Variants in TMEM131L observed in about 807,000 individuals in gnomAD.
The protein encoded by TMEM131L is transmembrane 131 like.
In TMEM131L, 54 loss-of-function variants were observed where a neutral mutation model predicts 192.2. That is an observed-to-expected ratio of 0.28 (90% CI 0.23 to 0.35). The LOEUF is 0.35. Among genes scored for constraint, TMEM131L ranks in the 10% least tolerant of loss-of-function variants. TMEM131L has a pLI of 1.00. For missense variants in TMEM131L, 1,888 were observed against 1,972.9 expected (o/e 0.96, Z 0.82); for synonymous variants, 701 against 704.9 (o/e 0.99, Z 0.09).
Position 153,575,971 on chromosome 4 carries a change from T to C in TMEM131L, c.661-4855T>C, listed in dbSNP as rs530728502. On this transcript the variant is annotated intron_variant, in intron 7 of 34. Coordinates refer to ENST00000409959, the MANE Select transcript of TMEM131L (RefSeq NM_001131007.2). ...TATTGCTATTGTTTTGTTCTTTTTT[T>C]TTTTTTGAGATGAAGTCTCACGCTG... Among the ~76,000 whole-genome samples, 321 of 152,080 alleles carry C rather than the reference T, an allele frequency of 2.1e-3. 1 individual carries two copies. Among genetic ancestry groups the C allele is most frequent in the Non-Finnish European group, 3.6e-3 (243 of 67,956 alleles).
rs1330306397 is a variant in TMEM131L at position 153,635,571 on chromosome 4, G to A, written c.4557G>A (p.Pro1519=). The A allele has an allele frequency of 3.7e-6, 6 of 1,613,916 alleles. No individual in the cohort carries two copies. The highest frequency in any genetic ancestry group is 1.3e-5 in the African/African-American group (1 of 74,906). ...GACATGCCAGTTTCATCAGCTCTCC[G>A]GTCAGTGTTGCCCATCCTGTGCCGT... is the stretch of plus-strand genomic sequence containing the variant. ...AWGHASFISS[P]PYLTSTRSLS... is the part of the protein sequence containing the mutation. Residue 1519 remains proline, a splice_region_variant and synonymous_variant, in exon 34 of 35, where the codon CCG becomes CCA. Transcript: ENST00000409959.
intron 3 of TMEM131L, among the ~76,000 whole-genome samples, chr4:153,527,696 C>G (rs1426752823): frequency 6.6e-6 from 1 of 152,088 alleles, no homozygotes. Context: ...TAACTTGTTG[C>G]CAGTGAAAGG....
At chr4:153,590,806 T>A (rs1034946609) in intron 16 of TMEM131L, among the ~76,000 whole-genome samples, 1 of 151,192 alleles carries the variant, frequency 6.6e-6, no homozygotes, top group Admixed American at 6.6e-5. Flanking sequence ...GCCCTTCGGC[T>A]GGCTTGTGTG....
At chr4:153,533,997 T>C (rs189521422) in intron 3 of TMEM131L, among the ~76,000 whole-genome samples, 1 of 152,342 alleles carries the variant, frequency 6.6e-6, no homozygotes, top group East Asian at 1.9e-4. Context: ...AAGGTTTTGG[T>C]TGAAGTTTGG....
chr4:153,623,722 TG>T (rs1733619526), intron 29 of TMEM131L, among the ~76,000 whole-genome samples: 1 of 152,238 alleles, frequency 6.6e-6, no homozygotes, highest in Non-Finnish European at 1.5e-5. Flanking sequence ...CTCCATTGTA[TG>T]TGCAGACACT....
chr4:153,578,239 C>CCTGTAGTG (rs1730090966), intron 7 of TMEM131L, among the ~76,000 whole-genome samples: 1 of 152,138 alleles, frequency 6.6e-6, no homozygotes, highest in Non-Finnish European at 1.5e-5. Context: ...GCTTGTAGTC[C>CCTGTAGTG]CAGCTACTCA....
intron 22 of TMEM131L, 26 bp downstream of exon 22, chr4:153,602,364 T>G: frequency 1.2e-6 from 2 of 1,602,754 alleles, no homozygotes; most frequent in African/African-American, 2.7e-5. Context: ...TAACTTGATT[T>G]CAGTTTTGTG....
intron 3 of TMEM131L, among the ~76,000 whole-genome samples, chr4:153,495,315 G>A (rs914091122): frequency 1.7e-4 from 26 of 151,634 alleles, no homozygotes; most frequent in Admixed American, 1.4e-3. Context: ...GTGAGAATCC[G>A]TCTGAAAACA....
intron 32 of TMEM131L, chr4:153,633,390 A>ATTTTTT (rs11292431): frequency 9.0e-6 from 1 of 111,386 alleles, no homozygotes. Context: ...CTAATTTTTA[A>ATTTTTT]TTTTTTTTTT....
At chr4:153,546,927 C>CA (rs1737222360) in intron 3 of TMEM131L, among the ~76,000 whole-genome samples, 1 of 151,998 alleles carries the variant, frequency 6.6e-6, no homozygotes, top group Admixed American at 6.6e-5. Context: ...AACTCTGTCT[C>CA]AAAAAAACAA....
intron 3 of TMEM131L, among the ~76,000 whole-genome samples, chr4:153,512,027 T>TG (rs796686854): frequency 2.5e-4 from 38 of 152,262 alleles, no homozygotes; most frequent in African/African-American, 8.7e-4. Flanking sequence ...TGGAATACTG[T>TG]GGAGGAGGTG....
intron 20 of TMEM131L, among the ~76,000 whole-genome samples, chr4:153,598,191 ATT>A (rs1731579702): frequency 6.6e-6 from 1 of 151,992 alleles, no homozygotes; most frequent in South Asian, 2.1e-4. Context: ...AAGTTTTATC[ATT>A]TTGTCTAAAT....
At chr4:153,592,661 T>C (rs938989509) in intron 18 of TMEM131L, 77 bp downstream of exon 18, 3 of 992,378 alleles carry the variant, frequency 3.0e-6, no homozygotes, top group Admixed American at 3.5e-5. Flanking sequence ...TCCTACACTT[T>C]TTCAACCAGG....
rs139076226 is a variant in TMEM131L at position 153,493,841 on chromosome 4, G to A, written c.239+19953G>A. Among the ~76,000 whole-genome samples, 7 of 152,286 alleles carry A rather than the reference G, an allele frequency of 4.6e-5. No homozygotes were observed. In the East Asian group the frequency reaches 1.2e-3, roughly 25 times the overall value. ...TGTTTTGAAGATTACATAAATCTGT[G>A]TAAGGCATTTAAAAGCCTTGCATGT... On this transcript the variant is annotated intron_variant, in intron 3 of 34. Coordinates refer to ENST00000409959, the MANE Select transcript of TMEM131L (RefSeq NM_001131007.2).
In TMEM131L at chr4:153,488,104, C is replaced by CGT. The variant is rs960793514; in HGVS notation, c.239+14228_239+14229dup. ...TGAGCCTGTGGCTGAGTTTTGTGTGCGTGTGTGTGTGTGAGAGAGAGACCG... is the reference window on the plus strand; with the variant it reads ...TGAGCCTGTGGCTGAGTTTTGTGTGCGTGTGTGTGTGTGTGAGAGAGAGACCG... On this transcript the variant is annotated intron_variant, in intron 3 of 34. Coordinates refer to ENST00000409959, the MANE Select transcript of TMEM131L (RefSeq NM_001131007.2). Among the ~76,000 whole-genome samples, 11 of 134,672 alleles carry CGT rather than the reference C, an allele frequency of 8.2e-5. No homozygotes were observed. The South Asian group carries it at 1.5e-3, about 19-fold the overall frequency. The allele number at this position is 134,672 out of a possible 152,430, so 88.4% of individuals were successfully genotyped here.
intron 7 of TMEM131L, among the ~76,000 whole-genome samples, chr4:153,577,348 C>T (rs1730022048): frequency 6.6e-6 from 1 of 152,160 alleles, no homozygotes; most frequent in African/African-American, 2.4e-5. Flanking sequence ...TAAATTCACT[C>T]TTGGTGCAGT....
intron 3 of TMEM131L, among the ~76,000 whole-genome samples, chr4:153,505,750 C>T (rs981946338): frequency 1.2e-4 from 18 of 152,094 alleles, no homozygotes; most frequent in Admixed American, 4.6e-4. Context: ...AGTTGAGCAG[C>T]GAAATCATAC....
intron 3 of TMEM131L, among the ~76,000 whole-genome samples, chr4:153,495,174 G>A (rs1733080435): frequency 1.3e-5 from 2 of 152,076 alleles, no homozygotes; most frequent in Non-Finnish European, 2.9e-5. Context: ...AATTAGCCGG[G>A]CGTGGTGGTA....
chr4:153,612,449 C>A, intron 26 of TMEM131L, 49 bp downstream of exon 26: 1 of 1,414,338 alleles, frequency 7.1e-7, no homozygotes. Context: ...ATTTTTAGGA[C>A]TGTGTATTAA....
Sources: allele counts gnomAD v4.1 joint callset (sites outside exome capture counted in the v4.1 genomes callset), GRCh38; gene constraint gnomAD v4.1.1; transcripts MANE v1.5; gene names NCBI Gene and HGNC (gene_info 2026-07-23, HGNC 2026-07-21).